PTPRM: variants seen among roughly 807,000 people sequenced by gnomAD.
PTPRM encodes the protein receptor-type tyrosine-protein phosphatase mu.
A neutral mutation model predicts 186.7 loss-of-function variants in PTPRM; 47 were observed. The observed-to-expected ratio is 0.25, with a 90% CI of 0.20 to 0.32. The LOEUF (loss-of-function observed/expected upper bound fraction) is 0.32. Ranked by LOEUF, PTPRM falls within the 10% of genes least tolerant of loss-of-function variation. PTPRM has a pLI of 1.00. For synonymous variants in PTPRM, 668 were observed against 674.9 expected (o/e 0.99, Z 0.16); for missense variants, 1,494 against 1,865.0 (o/e 0.80, Z 3.66).
chr18:7,644,970 T>C (rs1167327370), intron 1 of PTPRM, among the ~76,000 whole-genome samples: 1 of 152,220 alleles, frequency 6.6e-6, no homozygotes, highest in Admixed American at 6.5e-5. Context: ...GTGCTAATGC[T>C]TACTATTAAG....
chr18:8,330,646 C>T (rs2095406981), intron 22 of PTPRM, among the ~76,000 whole-genome samples: 1 of 124,894 alleles, frequency 8.0e-6, no homozygotes, highest in South Asian at 3.2e-4. Flanking sequence ...ATTCTGAAGG[C>T]TGCCGTTCAT....
chr18:7,648,939 T>C (rs941545306), intron 1 of PTPRM, among the ~76,000 whole-genome samples: 1 of 152,184 alleles, frequency 6.6e-6, no homozygotes, highest in African/African-American at 2.4e-5. Flanking sequence ...TGGAAGAAGA[T>C]GCCATCTAGG....
chr18:8,314,158 T>A (rs766637124), intron 20 of PTPRM, among the ~76,000 whole-genome samples: 2 of 152,192 alleles, frequency 1.3e-5, no homozygotes, highest in Admixed American at 1.3e-4. Flanking sequence ...TGTGTTTTCA[T>A]TGAATCCTGG....
At position 7,905,594 on chromosome 18, in the gene PTPRM, T is replaced by C. The variant is rs368784219; in HGVS notation, c.469-911T>C. The stretch of plus-strand genomic sequence containing the variant: ...GAGTCTTCTGCAGCCTGGCCACAGC[T>C]GACCTTTGTGGCGGTAGGTCCCAAT... On this transcript the variant is annotated intron_variant, in intron 3 of 32. Transcript: ENST00000580170. Among the ~76,000 whole-genome samples, 8 of 152,326 alleles carry C rather than the reference T, an allele frequency of 5.3e-5. No individual in the cohort carries two copies. The East Asian group carries it at 1.4e-3, about 26-fold the overall frequency.
At chr18:7,592,401 A>C (rs2143643189) in intron 1 of PTPRM, among the ~76,000 whole-genome samples, 1 of 152,320 alleles carries the variant, frequency 6.6e-6, no homozygotes, top group South Asian at 2.1e-4. Context: ...TATTCCACTC[A>C]ACAGGTCAGG....
chr18:8,383,419 G>A (rs2095751784), intron 29 of PTPRM, among the ~76,000 whole-genome samples: 1 of 151,462 alleles, frequency 6.6e-6, no homozygotes, highest in Non-Finnish European at 1.5e-5. Flanking sequence ...AAGGTTTCGG[G>A]GCTTTGAGAA....
At chr18:8,387,769 C>CGCGT (rs1555897155) in intron 31 of PTPRM, among the ~76,000 whole-genome samples, 2 of 151,582 alleles carry the variant, frequency 1.3e-5, no homozygotes, top group African/African-American at 4.9e-5. Flanking sequence ...TGTGTGTGCG[C>CGCGT]GCGCGTGCAT....
chr18:8,115,304 A>G (rs2145733601), intron 13 of PTPRM, among the ~76,000 whole-genome samples: 1 of 152,284 alleles, frequency 6.6e-6, no homozygotes, highest in Non-Finnish European at 1.5e-5. Context: ...CTCTGAACCT[A>G]GTAACCAGGT....
chr18:8,219,923 T>C (rs7230057), intron 14 of PTPRM, among the ~76,000 whole-genome samples: 83,864 of 151,956 alleles, frequency 0.55, 23,777 homozygotes, highest in East Asian at 0.77. Context: ...GTCAATCTTA[T>C]GATCTCTATT....
intron 14 of PTPRM, among the ~76,000 whole-genome samples, chr18:8,159,964 A>G (rs2093198111): frequency 6.6e-6 from 1 of 152,132 alleles, no homozygotes; most frequent in African/African-American, 2.4e-5. Flanking sequence ...GTGTAGTAGT[A>G]TGAATTTGTT....
chr18:7,570,321 G>A (rs1247783933), intron 1 of PTPRM, among the ~76,000 whole-genome samples: 1 of 152,092 alleles, frequency 6.6e-6, no homozygotes, highest in South Asian at 2.1e-4. Context: ...TCTTTTTTAT[G>A]TTTCTTCCAG....
At chr18:7,591,459 A>G (rs948270089) in intron 1 of PTPRM, among the ~76,000 whole-genome samples, 5 of 152,184 alleles carry the variant, frequency 3.3e-5, no homozygotes, top group Admixed American at 2.0e-4. Context: ...CTACTCCCCA[A>G]AATAAAACAA....
chr18:8,098,974 G>A (rs901044751), intron 11 of PTPRM, among the ~76,000 whole-genome samples: 22 of 152,200 alleles, frequency 1.4e-4, no homozygotes, highest in African/African-American at 5.1e-4. Flanking sequence ...ACTTCCTGGG[G>A]CAGCCTCCCT....
chr18:7,816,366 T>G (rs1598860748), intron 2 of PTPRM, among the ~76,000 whole-genome samples: 1 of 152,308 alleles, frequency 6.6e-6, no homozygotes, highest in Non-Finnish European at 1.5e-5. Flanking sequence ...TTTTAAACAA[T>G]AATGTAAATA....
chr18:7,848,755 A>G (rs1365680272), intron 2 of PTPRM, among the ~76,000 whole-genome samples: 1 of 152,168 alleles, frequency 6.6e-6, no homozygotes, highest in Non-Finnish European at 1.5e-5. Flanking sequence ...AGACCAAAAT[A>G]CTGCCTTGAA....
intron 7 of PTPRM, among the ~76,000 whole-genome samples, chr18:8,012,113 G>C (rs1455195056): frequency 6.6e-6 from 1 of 152,142 alleles, no homozygotes; most frequent in Non-Finnish European, 1.5e-5. Flanking sequence ...AGACGCCACT[G>C]GGGGGCATTG....
intron 3 of PTPRM, among the ~76,000 whole-genome samples, chr18:7,904,102 C>G (rs2049850101): frequency 6.6e-6 from 1 of 152,106 alleles, no homozygotes; most frequent in Non-Finnish European, 1.5e-5. Context: ...TGTAACATAT[C>G]TGCTTACTAA....
intron 1 of PTPRM, among the ~76,000 whole-genome samples, chr18:7,694,740 C>T (rs2039807741): frequency 6.6e-6 from 1 of 152,070 alleles, no homozygotes; most frequent in South Asian, 2.1e-4. Context: ...CCCTTTTCCA[C>T]AGCCGTATAA....
chr18:8,382,368 T>C (rs1598524522), intron 29 of PTPRM, among the ~76,000 whole-genome samples: 1 of 151,898 alleles, frequency 6.6e-6, no homozygotes, highest in East Asian at 1.9e-4. Flanking sequence ...GAAAGCAGAG[T>C]AAGCTCAGGC....
Sources: allele counts gnomAD v4.1 joint callset (sites outside exome capture counted in the v4.1 genomes callset), GRCh38; gene constraint gnomAD v4.1.1; transcripts MANE v1.5; gene names NCBI Gene and HGNC (gene_info 2026-07-23, HGNC 2026-07-21).